Variants in OLFML2A observed in about 807,000 individuals in gnomAD.
OLFML2A encodes the protein olfactomedin-like protein 2A.
A neutral mutation model predicts 60.9 loss-of-function variants in OLFML2A; 47 were observed. The ratio of observed to expected loss-of-function variants is 0.77; its 90% CI spans 0.61 to 0.98. OLFML2A has a LOEUF of 0.98. OLFML2A is among the 50% of genes least tolerant of loss of function. OLFML2A has a pLI of 0.00. For synonymous variants in OLFML2A, 372 were observed against 375.0 expected (o/e 0.99, Z 0.09); for missense variants, 922 against 879.8 (o/e 1.05, Z -0.61).
Position 124,814,742 on chromosome 9 carries a change from C to G in OLFML2A, c.*4330C>G, listed in dbSNP as rs771135280. 1 of 152,110 alleles carries G rather than the reference C, an allele frequency of 6.6e-6. No individual in the cohort carries two copies. Among genetic ancestry groups the G allele is most frequent in the Non-Finnish European group, 1.5e-5 (1 of 68,016 alleles). The allele number at this position is 152,110 out of a possible 1,614,324, so 9.4% of individuals were successfully genotyped here. ...AGTCTCCTACTAGACTCGCTTCATTCTAGCTTTCTGCTTTTACCTTTACCC... is the reference window on the plus strand; with the variant it reads ...AGTCTCCTACTAGACTCGCTTCATTGTAGCTTTCTGCTTTTACCTTTACCC... On this transcript the variant is annotated 3_prime_UTR_variant, in exon 8 of 8. Transcript: ENST00000373580.
At chr9:124,799,659 C>G (rs776056701) in intron 4 of OLFML2A, among the ~76,000 whole-genome samples, 168 bp downstream of exon 4, 14 of 152,210 alleles carry the variant, frequency 9.2e-5, no homozygotes, top group Non-Finnish European at 1.6e-4. Context: ...CAGGGGATAC[C>G]TGCTGTACAG....
chr9:124,805,316 A>C (rs2131275801), intron 6 of OLFML2A, among the ~76,000 whole-genome samples: 1 of 152,286 alleles, frequency 6.6e-6, no homozygotes, highest in South Asian at 2.1e-4. Context: ...GCTGCAGCTT[A>C]AGTGGTTGCA....
Position 124,810,389 on chromosome 9 carries a change from T to C in OLFML2A, c.1936T>C (p.Tyr646His), listed in dbSNP as rs781260837. Residue 646 changes from tyrosine to histidine, a missense_variant, in exon 8 of 8, where the codon TAC becomes CAC. Transcript: ENST00000373580. Reference sequence around the variant, plus strand: ...CTGGGACAATGGCCACCAGCTCACCTACACCCTCCACTTCGTGGTCTGAGT... The same window carrying C: ...CTGGGACAATGGCCACCAGCTCACCCACACCCTCCACTTCGTGGTCTGAGT... ...YAWDNGHQLT[Y>H]TLHFVV 5 of 1,598,824 alleles carry C rather than the reference T, an allele frequency of 3.1e-6. No individual in the cohort carries two copies. The African/African-American group carries it at 4.0e-5, about 13-fold the overall frequency.
Position 124,809,807 on chromosome 9 carries a change from G to A in OLFML2A, c.1355-1G>A, listed in dbSNP as rs1841966691. 3.1e-6 allele frequency: 5 copies of A among 1,593,550 alleles called. No homozygotes were observed. Among genetic ancestry groups the A allele is most frequent in the Admixed American group, 1.7e-5 (1 of 59,088 alleles). On this transcript the variant is annotated splice_acceptor_variant, in intron 7 of 7. Transcript: ENST00000373580. LOFTEE classifies it high-confidence loss of function. ...GGGGTGACCATCGCCCTCGCCTGCA[G>A]GCCGCTGGAGTAACATGTACAAGCT...
rs762757912 is a variant in OLFML2A, at chr9:124,809,982, C to CCA, written c.1533_1534dup (p.Pro512HisfsTer37). ...CTGCCCGACGTGGTATATGAGGACA[C>CCA]CACACCTTGGAAGTGGCGCGGACAC... is the stretch of plus-strand genomic sequence containing the variant. On this transcript the variant is annotated frameshift_variant, in exon 8 of 8. Coordinates refer to ENST00000373580, the MANE Select transcript of OLFML2A (RefSeq NM_182487.4). LOFTEE classifies it high-confidence loss of function. 3 of 1,614,048 alleles carry CCA rather than the reference C, an allele frequency of 1.9e-6. No individual in the cohort carries two copies. Among genetic ancestry groups the CCA allele is most frequent in the Middle Eastern group, 1.6e-4 (1 of 6,084 alleles).
Position 124,810,757 on chromosome 9 carries a change from C to G in OLFML2A, c.*345C>G, listed in dbSNP as rs1999591. 1.2e-4 allele frequency: 34 copies of G among 281,142 alleles called. No homozygotes were observed. In the South Asian group the frequency reaches 2.2e-3, roughly 18 times the overall value. The allele number at this position is 281,142 out of a possible 1,614,324, so 17.4% of individuals were successfully genotyped here. A position where few individuals can be genotyped will look rare whatever the true frequency, so the allele number is the denominator to read the frequency against. On this transcript the variant is annotated 3_prime_UTR_variant, in exon 8 of 8. Transcript: ENST00000373580. ...CAGTTGTGATCAGGCAGGCTGTGCT[C>G]TCAGGACAGCCCCATTTTAGGGATG...
chr9:124,793,482 T>C (rs1841605606), intron 2 of OLFML2A, among the ~76,000 whole-genome samples: 1 of 152,160 alleles, frequency 6.6e-6, no homozygotes, highest in South Asian at 2.1e-4. Flanking sequence ...TAAAGCATGA[T>C]AGGAAAGAGA....
At position 124,807,756 on chromosome 9, in the gene OLFML2A, A is replaced by C. The variant is rs777069242; in HGVS notation, c.1169-25A>C. 3.1e-6 allele frequency: 5 copies of C among 1,592,244 alleles called. No homozygotes were observed. In the East Asian group the frequency reaches 1.1e-4, roughly 36 times the overall value. On this transcript the variant is annotated intron_variant, in intron 6 of 7. Transcript: ENST00000373580. Reference sequence around the variant, plus strand: ...GGGGGGCTTGGGGGTCTGTGTACCGATGCTGCCTGCCCTCCTCCCCACAGG... The same window carrying C: ...GGGGGGCTTGGGGGTCTGTGTACCGCTGCTGCCTGCCCTCCTCCCCACAGG...
rs763674122 is a variant in OLFML2A, at chr9:124,787,209, C to T, written c.325C>T (p.Leu109Phe). 2 of 1,614,114 alleles carry T rather than the reference C, an allele frequency of 1.2e-6. No homozygotes were observed. Among genetic ancestry groups the T allele is most frequent in the Middle Eastern group, 3.3e-4 (2 of 6,062 alleles). ...PCENEWKMEK[L>F]KKQAPELLKL... Reference sequence around the variant, plus strand: ...TGAGAACGAGTGGAAGATGGAGAAACTCAAAAAGCAGGCGCCCGAGCTCCT... The same window carrying T: ...TGAGAACGAGTGGAAGATGGAGAAATTCAAAAAGCAGGCGCCCGAGCTCCT... The change falls in exon 2 of 8, where the codon CTC becomes TTC. Residue 109 changes from leucine to phenylalanine, a missense_variant. By Grantham distance (22) the Leu-to-Phe change is conservative. Transcript: ENST00000373580.
intron 2 of OLFML2A, among the ~76,000 whole-genome samples, chr9:124,793,358 C>T (rs190551695): frequency 6.6e-6 from 1 of 152,310 alleles, no homozygotes; most frequent in Admixed American, 6.5e-5. Flanking sequence ...GGGCAGAGCC[C>T]TGGGCTGGGC....
Position 124,810,160 on chromosome 9 carries a change from G to A in OLFML2A, c.1707G>A (p.Arg569=), listed in dbSNP as rs1350887242. The stretch of plus-strand genomic sequence containing the variant: ...ACCGGGAGACCACGTGGAAGACACG[G>A]CTGCGGCGGAACTCCTACGGGAACT... ...SVHRETTWKT[R]LRRNSYGNCF... The change falls in exon 8 of 8, where the codon CGG becomes CGA. Residue 569 remains arginine, a synonymous_variant. Coordinates refer to ENST00000373580, the MANE Select transcript of OLFML2A (RefSeq NM_182487.4). 1.2e-6 allele frequency: 2 copies of A among 1,613,924 alleles called. No individual in the cohort carries two copies. The highest frequency in any genetic ancestry group is 2.2e-5 in the South Asian group (2 of 91,088).
In OLFML2A at chr9:124,807,810, C is replaced by A; in HGVS notation, c.1198C>A (p.Arg400=). 6.2e-7 allele frequency: 1 copy of A among 1,613,394 alleles called. No individual in the cohort carries two copies. The stretch of plus-strand genomic sequence containing the variant: ...AGAGGCGAGCTGTGAGGGCACCCTC[C>A]GGGCTGTGGACCCCCCTGTGAGGCA... ...GREASCEGTL[R]AVDPPVRHHS... The change falls in exon 7 of 8, where the codon CGG becomes AGG. Residue 400 remains arginine (R), a synonymous_variant. Coordinates refer to ENST00000373580, the MANE Select transcript of OLFML2A (RefSeq NM_182487.4).
chr9:124,790,334 T>A (rs1841548397), intron 2 of OLFML2A, among the ~76,000 whole-genome samples: 1 of 151,838 alleles, frequency 6.6e-6, no homozygotes, highest in South Asian at 2.1e-4. Flanking sequence ...CATGCCCGGC[T>A]CATTTTTTTT....
At chr9:124,791,738 A>G (rs1435540100) in intron 2 of OLFML2A, among the ~76,000 whole-genome samples, 4 of 29,290 alleles carry the variant, frequency 1.4e-4, no homozygotes, top group Non-Finnish European at 2.4e-4. Flanking sequence ...ACTCTGTCTC[A>G]AAAAAAAAAA....
Position 124,801,476 on chromosome 9 carries a change from A to G in OLFML2A, c.732A>G (p.Ala244=). 6.2e-7 allele frequency: 1 copy of G among 1,614,162 alleles called. No homozygotes were observed. Among genetic ancestry groups the G allele is most frequent in the East Asian group, 2.2e-5 (1 of 44,886 alleles). The change falls in exon 5 of 8, where the codon GCA becomes GCG. Residue 244 remains alanine, a synonymous_variant. Coordinates refer to ENST00000373580, the MANE Select transcript of OLFML2A (RefSeq NM_182487.4). ...SKYGSVQKSF[A]DRGLPKPPKE... The stretch of plus-strand genomic sequence containing the variant: ...ATGGCAGTGTGCAGAAAAGCTTTGC[A>G]GACAGAGGCCTCCCAAAACCTCCCA...
intron 3 of OLFML2A, 46 bp downstream of exon 3, chr9:124,795,177 G>T: frequency 8.3e-7 from 1 of 1,210,428 alleles, no homozygotes; most frequent in East Asian, 2.5e-5. Context: ...CTGGTGCTGG[G>T]GGCCAAGGGC....
rs185531703 is a variant in OLFML2A, at chr9:124,787,061, C to T, written c.177C>T (p.Asp59=). The T allele has an allele frequency of 1.0e-4, 164 of 1,614,050 alleles. 2 individuals carry two copies. In the African/African-American group the frequency reaches 1.9e-3, roughly 19 times the overall value. Residue 59 remains aspartate (D), a synonymous_variant, in exon 2 of 8, where the codon GAC becomes GAT. Transcript: ENST00000373580. ...CKCIMRPLSK[D]ACSRVRSGRA... ...GCATCATGCGGCCCCTGAGCAAGGA[C>T]GCGTGTAGCCGAGTGCGCAGTGGGC...
intron 6 of OLFML2A, among the ~76,000 whole-genome samples, chr9:124,804,858 G>A (rs372470936): frequency 2.0e-5 from 3 of 151,564 alleles, no homozygotes; most frequent in Non-Finnish European, 2.9e-5. Flanking sequence ...ACAGATACCC[G>A]CCACCACACC....
chr9:124,780,507 C>T (rs1375167412), intron 1 of OLFML2A, among the ~76,000 whole-genome samples: 1 of 152,206 alleles, frequency 6.6e-6, no homozygotes, highest in Admixed American at 6.5e-5. Context: ...CCAGGCCAGG[C>T]TAGTCCCGGG....
Sources: allele counts gnomAD v4.1 joint callset (sites outside exome capture counted in the v4.1 genomes callset), GRCh38; gene constraint gnomAD v4.1.1; transcripts MANE v1.5; gene names NCBI Gene and HGNC (gene_info 2026-07-23, HGNC 2026-07-21).